The following PLAA variants were observed in gnomAD, a reference collection of about 807,000 sequenced individuals.
The protein encoded by PLAA is phospholipase A-2-activating protein.
In PLAA, 48 loss-of-function variants were observed where a neutral mutation model predicts 84.1. The ratio of observed to expected loss-of-function variants is 0.57; its 90% confidence interval spans 0.45 to 0.73. The LOEUF (loss-of-function observed/expected upper bound fraction) is 0.73. Ranked by LOEUF, PLAA falls within the 30% of genes least tolerant of loss-of-function variation. The probability of loss-of-function intolerance (pLI) is 0.00; values close to 1 mark genes in which losing one functional copy is unlikely to be tolerated. For synonymous variants in PLAA, 392 were observed against 336.6 expected (o/e 1.16, Z -1.80); for missense variants, 903 against 954.7 (o/e 0.95, Z 0.71).
chr9:26,921,248 A>C (rs1361344118), intron 7 of PLAA, among the ~76,000 whole-genome samples: 1 of 152,172 alleles, frequency 6.6e-6, no homozygotes, highest in Non-Finnish European at 1.5e-5. Flanking sequence ...CACAAATGTC[A>C]TGTTCTCAAC....
intron 1 of PLAA, among the ~76,000 whole-genome samples, chr9:26,944,156 A>C (rs1739435325): frequency 6.6e-6 from 1 of 152,164 alleles, no homozygotes; most frequent in South Asian, 2.1e-4. Flanking sequence ...TTACAAAAGC[A>C]AGTTTGGCCC....
rs1336191562 is a variant in PLAA at position 26,947,007 on chromosome 9, C to G, written c.39G>C (p.Ser13=). The G allele has an allele frequency of 2.5e-6, 4 of 1,593,656 alleles. No homozygotes were observed. Among genetic ancestry groups the G allele is most frequent in the Non-Finnish European group, 3.4e-6 (4 of 1,171,002 alleles). Residue 13 remains serine, a synonymous_variant, in exon 1 of 14, where the codon TCG becomes TCC. Transcript: ENST00000397292. ...GTACGTCCAGCTCGTGGCCCCGGAG[C>G]GAGCAGCTCAGCCGGTACCTGGTTG... ...SGATRYRLSC[S]LRGHELDVRG...
At chr9:26,944,242 T>C (rs1825622989) in intron 1 of PLAA, among the ~76,000 whole-genome samples, 1 of 152,182 alleles carries the variant, frequency 6.6e-6, no homozygotes, top group Admixed American at 6.5e-5. Flanking sequence ...CCTCTCAAGA[T>C]GCCGATACCT....
Position 26,935,021 on chromosome 9 carries a change from T to G in PLAA, c.335A>C (p.Lys112Thr). ...PMPLYILKGH[K>T]NTVCSLSSGK... ...AGCATTATTATACTCACCAGTATTTTTGTGGCCTTTTAGAATATAAAGTGG... is the reference window on the plus strand; with the variant it reads ...AGCATTATTATACTCACCAGTATTTGTGTGGCCTTTTAGAATATAAAGTGG... Residue 112 changes from lysine (K) to threonine (T), a missense_variant, in exon 2 of 14, where the codon AAA (lysine) becomes ACA (threonine). Physicochemically the swap from Lys to Thr is moderately conservative, Grantham distance 78. Transcript: ENST00000397292. 1 of 1,588,466 alleles carries G rather than the reference T, an allele frequency of 6.3e-7. No homozygotes were observed. Among genetic ancestry groups the G allele is most frequent in the Admixed American group, 1.8e-5 (1 of 54,248 alleles).
chr9:26,906,535 C>T (rs1229496027), intron 13 of PLAA, among the ~76,000 whole-genome samples: 1 of 147,348 alleles, frequency 6.8e-6, no homozygotes, highest in African/African-American at 2.5e-5. Context: ...TCAAGCAATT[C>T]TCCTGTCTCA....
intron 1 of PLAA, among the ~76,000 whole-genome samples, 187 bp downstream of exon 1, chr9:26,946,710 C>A (rs2039906118): frequency 6.6e-6 from 1 of 152,220 alleles, no homozygotes. Flanking sequence ...CAACCCTGTG[C>A]TCTTTCCACT....
chr9:26,914,991 T>C (rs986865989), intron 10 of PLAA, among the ~76,000 whole-genome samples: 8 of 152,266 alleles, frequency 5.3e-5, no homozygotes, highest in Admixed American at 1.3e-4. Flanking sequence ...GGCGGGTGGA[T>C]CACCTGAGGT....
chr9:26,944,931 C>G (rs775923024), intron 1 of PLAA, among the ~76,000 whole-genome samples: 35 of 152,290 alleles, frequency 2.3e-4, no homozygotes, highest in Admixed American at 1.2e-3. Context: ...AGTTCAAGAC[C>G]AGCCTGACCA....
intron 1 of PLAA, among the ~76,000 whole-genome samples, chr9:26,945,537 T>C (rs1254628980): frequency 6.6e-6 from 1 of 152,214 alleles, no homozygotes; most frequent in Non-Finnish European, 1.5e-5. Context: ...GACCATCTTG[T>C]GTTGATTATA....
chr9:26,927,703 C>T (rs1004921670), intron 4 of PLAA, among the ~76,000 whole-genome samples: 1 of 152,142 alleles, frequency 6.6e-6, no homozygotes, highest in Non-Finnish European at 1.5e-5. Flanking sequence ...TATAAAGACA[C>T]TAATAATGAT....
chr9:26,905,312 T>G lies in PLAA; in HGVS notation c.*199A>C, dbSNP rs1225343332. 8 of 541,224 alleles carry G rather than the reference T, an allele frequency of 1.5e-5. No individual in the cohort carries two copies. The highest frequency in any genetic ancestry group is 1.9e-5 in the Non-Finnish European group (6 of 307,714). 33.5% of individuals were successfully genotyped at this position (541,224 alleles called of 1,614,324 possible). ...ATTTGTGTTCACACTCTTGAAAATC[T>G]ACCCAAATTACACAGGAAAATCTCA... On this transcript the variant is annotated 3_prime_UTR_variant, in exon 14 of 14. Transcript: ENST00000397292.
intron 10 of PLAA, chr9:26,916,491 A>C (rs752264213): frequency 1.0e-6 from 1 of 986,982 alleles, no homozygotes; most frequent in Non-Finnish European, 1.2e-6. Flanking sequence ...GGCTTCAAGA[A>C]GGACATTAAT....
chr9:26,945,136 A>T (rs1825649425), intron 1 of PLAA, among the ~76,000 whole-genome samples: 1 of 152,226 alleles, frequency 6.6e-6, no homozygotes, highest in African/African-American at 2.4e-5. Context: ...TCAAAAAAAA[A>T]AAATCAATAG....
intron 2 of PLAA, among the ~76,000 whole-genome samples, chr9:26,932,459 T>C (rs1825217817): frequency 6.6e-6 from 1 of 152,204 alleles, no homozygotes. Context: ...AAATGAAGAT[T>C]TATTGAAACA....
intron 1 of PLAA, among the ~76,000 whole-genome samples, chr9:26,941,550 G>T (rs570904381): frequency 1.3e-5 from 2 of 152,052 alleles, no homozygotes; most frequent in Non-Finnish European, 2.9e-5. Context: ...CAGACATCTG[G>T]GGAAAGCCTC....
intron 13 of PLAA, 127 bp from the exon 14 acceptor site, chr9:26,906,203 T>C: frequency 1.8e-6 from 1 of 566,908 alleles, no homozygotes; most frequent in Non-Finnish European, 2.9e-6. Flanking sequence ...AAATCATGTG[T>C]CTGCTTTAAA....
intron 2 of PLAA, among the ~76,000 whole-genome samples, chr9:26,933,681 C>T (rs1331764757): frequency 1.4e-5 from 2 of 146,740 alleles, no homozygotes; most frequent in Non-Finnish European, 3.0e-5. Flanking sequence ...CCCAGCTACT[C>T]GGCAGGCTGA....
chr9:26,940,301 AAATTTT>A (rs1248751066), intron 1 of PLAA, among the ~76,000 whole-genome samples: 6 of 152,360 alleles, frequency 3.9e-5, no homozygotes, highest in African/African-American at 1.2e-4. Flanking sequence ...TATAAACATG[AAATTTT>A]ATTCAGCCTT....
chr9:26,930,543 A>T (rs577139432), intron 2 of PLAA, among the ~76,000 whole-genome samples: 3 of 151,678 alleles, frequency 2.0e-5, no homozygotes, highest in Admixed American at 2.0e-4. Context: ...TTGAACATGT[A>T]GGGTTAATGA....
Sources: allele counts gnomAD v4.1 joint callset (sites outside exome capture counted in the v4.1 genomes callset), GRCh38; gene constraint gnomAD v4.1.1; transcripts MANE v1.5; gene names NCBI Gene and HGNC (gene_info 2026-07-23, HGNC 2026-07-21).